IL17RD: variants seen among roughly 807,000 people sequenced by gnomAD.
IL17RD encodes the protein interleukin-17 receptor D.
In IL17RD, 52 loss-of-function variants were observed where a neutral mutation model predicts 80.5. The ratio of observed to expected loss-of-function variants is 0.65; its 90% CI spans 0.52 to 0.81. The LOEUF is 0.81. Ranked by LOEUF, IL17RD falls within the 40% of genes least tolerant of loss-of-function variation. The pLI, the probability that IL17RD is intolerant of heterozygous loss-of-function variation, is 0.00. For synonymous variants in IL17RD, 416 were observed against 391.8 expected, an observed-to-expected ratio of 1.06 and a Z score of -0.73; for missense variants, 1,024 against 955.1, an observed-to-expected ratio of 1.07 and a Z score of -0.95.
chr3:57,159,779 T>C (rs968029895), intron 1 of IL17RD, among the ~76,000 whole-genome samples: 4 of 152,248 alleles, frequency 2.6e-5, no homozygotes, highest in African/African-American at 7.2e-5. Flanking sequence ...TCAAGCTCCC[T>C]GATAGCTGAG....
chr3:57,165,004 A>G, intron 1 of IL17RD, 157 bp downstream of exon 1: 2 of 1,336,704 alleles, frequency 1.5e-6, no homozygotes, highest in Non-Finnish European at 1.9e-6. Flanking sequence ...CCGGGGAGGG[A>G]AACCAGGAGG....
intron 10 of IL17RD, 124 bp downstream of exon 10, chr3:57,102,355 T>A (rs957575565): frequency 2.3e-6 from 1 of 442,538 alleles, no homozygotes; most frequent in Non-Finnish European, 4.1e-6. Flanking sequence ...AACTGAATAG[T>A]AGGAGCTATG....
chr3:57,108,736 G>A (rs1707023689), intron 5 of IL17RD, among the ~76,000 whole-genome samples: 1 of 150,470 alleles, frequency 6.6e-6, no homozygotes, highest in Middle Eastern at 3.6e-3. Context: ...GGCTGGTCTC[G>A]AACTACTGAC....
At chr3:57,108,534 T>TTTTTG (rs1707017703) in intron 5 of IL17RD, among the ~76,000 whole-genome samples, 1 of 142,280 alleles carries the variant, frequency 7.0e-6, no homozygotes, top group Non-Finnish European at 1.5e-5. Context: ...TTTTTTTTTT[T>TTTTTG]AGATGGAGGT....
At position 57,093,203 on chromosome 3, in the gene IL17RD, G is replaced by C. The variant is rs1281719316; in HGVS notation, c.*3190C>G. 1 of 152,072 alleles carries C rather than the reference G, an allele frequency of 6.6e-6. No individual in the cohort carries two copies. The highest frequency in any genetic ancestry group is 1.5e-5 in the Non-Finnish European group (1 of 68,032). The allele number at this position is 152,072 out of a possible 1,614,324, so 9.4% of individuals were successfully genotyped here. A position where few individuals can be genotyped will look rare whatever the true frequency, so the allele number is the denominator to read the frequency against. On this transcript the variant is annotated 3_prime_UTR_variant, in exon 13 of 13. Coordinates refer to ENST00000296318, the MANE Select transcript of IL17RD (RefSeq NM_017563.5). ...CTTATACCTCACCTGCTATACTGGT[G>C]ACCACTGAAGGTATAAGATCTGCTA...
chr3:57,109,996 T>C (rs142345557), intron 4 of IL17RD, among the ~76,000 whole-genome samples, 197 bp downstream of exon 4: 1 of 152,316 alleles, frequency 6.6e-6, no homozygotes, highest in Non-Finnish European at 1.5e-5. Flanking sequence ...GAGAGGCATG[T>C]TTACACAGGG....
At chr3:57,130,936 C>T (rs544330213) in intron 1 of IL17RD, among the ~76,000 whole-genome samples, 1 of 152,306 alleles carries the variant, frequency 6.6e-6, no homozygotes, top group African/African-American at 2.4e-5. Context: ...TGAGGCCAGC[C>T]GCCTGGGAGC....
At chr3:57,160,597 C>T (rs1042946398) in intron 1 of IL17RD, among the ~76,000 whole-genome samples, 7 of 152,146 alleles carry the variant, frequency 4.6e-5, no homozygotes, top group Admixed American at 6.5e-5. Context: ...TCCTCCCATC[C>T]TCACACTCCC....
intron 1 of IL17RD, among the ~76,000 whole-genome samples, chr3:57,124,649 T>C (rs1008774340): frequency 3.3e-5 from 5 of 152,148 alleles, no homozygotes; most frequent in Non-Finnish European, 7.3e-5. Flanking sequence ...TTTGGCCACA[T>C]TAAGATCCGT....
chr3:57,164,798 C>T (rs767347610), intron 1 of IL17RD: 377 of 748,994 alleles, frequency 5.0e-4, no homozygotes, highest in Non-Finnish European at 4.3e-4. Context: ...CTCGGGGGAT[C>T]CCAGCCCGGG....
chr3:57,164,408 G>C (rs370762824), intron 1 of IL17RD, among the ~76,000 whole-genome samples: 3 of 152,228 alleles, frequency 2.0e-5, no homozygotes, highest in African/African-American at 7.2e-5. Context: ...CACGAAGACG[G>C]CTCAATGCAC....
Position 57,158,253 on chromosome 3 carries a change from G to A in IL17RD, c.126+6908C>T, listed in dbSNP as rs1205390612. On this transcript the variant is annotated intron_variant, in intron 1 of 12. Transcript: ENST00000296318. ...GATTAACGTCTATTAGATCAGGTAT[G>A]GAATGAAGAAAGGTACAATAAAATT... 6.6e-5 allele frequency among the ~76,000 whole-genome samples: 10 copies of A among 152,250 alleles called. No individual in the cohort carries two copies. The East Asian group carries it at 1.9e-3, about 29-fold the overall frequency.
intron 11 of IL17RD, among the ~76,000 whole-genome samples, chr3:57,098,957 G>A (rs1706765504): frequency 6.6e-6 from 1 of 152,232 alleles, no homozygotes; most frequent in Non-Finnish European, 1.5e-5. Context: ...TGGAGGGGCA[G>A]ATTCTGGAGA....
At chr3:57,140,776 C>A (rs1192811324) in intron 1 of IL17RD, among the ~76,000 whole-genome samples, 1 of 152,084 alleles carries the variant, frequency 6.6e-6, no homozygotes, top group African/African-American at 2.4e-5. Flanking sequence ...TTTCCAGACA[C>A]CCAGAACAGG....
chr3:57,128,987 G>A (rs1453990980), intron 1 of IL17RD, among the ~76,000 whole-genome samples: 5 of 152,096 alleles, frequency 3.3e-5, no homozygotes, highest in African/African-American at 1.2e-4. Context: ...TTCCAATTCC[G>A]AAAACGTTAG....
intron 1 of IL17RD, among the ~76,000 whole-genome samples, chr3:57,147,825 T>C (rs1164615724): frequency 2.6e-5 from 4 of 152,124 alleles, no homozygotes; most frequent in African/African-American, 9.7e-5. Context: ...TTATAGCAGC[T>C]ATGCAACAAG....
At position 57,097,629 on chromosome 3, in the gene IL17RD, G is replaced by C. The variant is rs745772105; in HGVS notation, c.2074C>G (p.Leu692Val). 6.3e-7 allele frequency: 1 copy of C among 1,589,820 alleles called. No homozygotes were observed. The highest frequency in any genetic ancestry group is 1.2e-5 in the South Asian group (1 of 86,834). The change falls in exon 12 of 13, where the codon CTG becomes GTG. Residue 692 changes from leucine to valine, a missense_variant. Physicochemically the swap from Leu to Val is conservative, Grantham distance 32. Coordinates refer to ENST00000296318, the MANE Select transcript of IL17RD (RefSeq NM_017563.5). ...GAAGAGGAGGACACGCTCTCCGTCAGGGAAGACGTTTCTGTCTGGTCCGTC... is the reference window on the plus strand; with the variant it reads ...GAAGAGGAGGACACGCTCTCCGTCACGGAAGACGTTTCTGTCTGGTCCGTC... ...LSTDQTETSSLTESVSSSSGL... is the reference protein window; with the variant it reads ...LSTDQTETSSVTESVSSSSGL...
intron 1 of IL17RD, among the ~76,000 whole-genome samples, chr3:57,127,297 TATATATAAAA>T (rs1444613880): frequency 0.021 from 1,616 of 76,240 alleles, 176 homozygotes; most frequent in African/African-American, 0.068. Context: ...TATATATAAA[TATATATAAAA>T]ATATATAAAA....
chr3:57,165,674 T>C (rs968257489), upstream of IL17RD, among the ~76,000 whole-genome samples: 10 of 152,234 alleles, frequency 6.6e-5, no homozygotes, highest in Admixed American at 3.9e-4. Context: ...ATTTTAATAA[T>C]AATTTAATAA....
Sources: gnomAD v4.1 joint callset for allele counts (sites outside exome capture counted in the v4.1 genomes callset) on GRCh38, gnomAD v4.1.1 for gene constraint, MANE v1.5 for transcripts, NCBI Gene and HGNC (gene_info 2026-07-23, HGNC 2026-07-21) for gene names.